The following MCTP1 variants were observed in gnomAD, a reference collection of about 807,000 sequenced individuals.
The protein encoded by MCTP1 is multiple C2 and transmembrane domain-containing protein 1.
MCTP1 carries 69 observed loss-of-function variants against 120.6 expected under a neutral mutation model. The observed-to-expected ratio is 0.57, with a 90% CI of 0.47 to 0.70. MCTP1 has a LOEUF of 0.70. Ranked by LOEUF, MCTP1 falls within the 30% of genes least tolerant of loss-of-function variation. MCTP1 has a pLI of 0.00. For missense variants in MCTP1, 1,203 were observed against 1,248.8 expected (o/e 0.96, Z 0.55); for synonymous variants, 529 against 493.1 (o/e 1.07, Z -0.96).
chr5:94,961,970 A>G (rs1330203776), intron 2 of MCTP1, among the ~76,000 whole-genome samples: 2 of 152,154 alleles, frequency 1.3e-5, no homozygotes, highest in African/African-American at 4.8e-5. Flanking sequence ...TAAATTGTGA[A>G]GATTTTCTCC....
At chr5:95,218,433 C>T (rs1040461557) in intron 1 of MCTP1, among the ~76,000 whole-genome samples, 10 of 152,114 alleles carry the variant, frequency 6.6e-5, no homozygotes, top group Admixed American at 3.3e-4. Flanking sequence ...AATGCTTCAA[C>T]TAGTAATCTG....
At chr5:94,781,528 A>T in intron 18 of MCTP1, among the ~76,000 whole-genome samples, 1 of 152,196 alleles carries the variant, frequency 6.6e-6, no homozygotes, top group East Asian at 1.9e-4. Flanking sequence ...TATAAAAGCA[A>T]ATATTCAAAA....
At chr5:95,128,097 T>C (rs1042934117) in intron 1 of MCTP1, among the ~76,000 whole-genome samples, 2 of 152,152 alleles carry the variant, frequency 1.3e-5, no homozygotes. Flanking sequence ...GGGGTTGGCT[T>C]GAGGAGCAAA....
chr5:94,896,800 T>C (rs1311263515), intron 10 of MCTP1, among the ~76,000 whole-genome samples: 1 of 152,194 alleles, frequency 6.6e-6, no homozygotes, highest in African/African-American at 2.4e-5. Context: ...TTAATTACAC[T>C]ACCTTGCTCT....
chr5:94,757,677 T>G (rs928576983), intron 19 of MCTP1, among the ~76,000 whole-genome samples: 21 of 152,218 alleles, frequency 1.4e-4, no homozygotes, highest in African/African-American at 4.6e-4. Flanking sequence ...CATTTCTCTT[T>G]AAATCCCTCA....
intron 18 of MCTP1, chr5:94,793,667 C>T (rs1010017659): frequency 1.3e-5 from 2 of 152,228 alleles, no homozygotes; most frequent in African/African-American, 4.8e-5. Context: ...ATATGACGTC[C>T]TCTCCTCTGT....
intron 17 of MCTP1, among the ~76,000 whole-genome samples, chr5:94,828,339 G>T (rs1334493519): frequency 6.6e-6 from 1 of 152,162 alleles, no homozygotes. Flanking sequence ...CATCCCAGAG[G>T]GGCACCTGCC....
At chr5:94,835,863 G>T (rs1789618753) in intron 17 of MCTP1, among the ~76,000 whole-genome samples, 2 of 152,110 alleles carry the variant, frequency 1.3e-5, no homozygotes, top group South Asian at 4.1e-4. Context: ...AATTAGCCGG[G>T]TGTGGTGGTG....
intron 19 of MCTP1, among the ~76,000 whole-genome samples, chr5:94,749,346 TGAAA>T (rs1186741780): frequency 6.6e-6 from 1 of 152,112 alleles, no homozygotes; most frequent in Non-Finnish European, 1.5e-5. Flanking sequence ...TTTTGAAGAA[TGAAA>T]GAAATATTTA....
At chr5:95,246,713 G>A (rs910697417) in intron 1 of MCTP1, among the ~76,000 whole-genome samples, 9 of 152,084 alleles carry the variant, frequency 5.9e-5, no homozygotes, top group African/African-American at 2.2e-4. Flanking sequence ...AATAATAATG[G>A]CAGACTTTAA....
In MCTP1 at chr5:94,755,472, C is replaced by T. The variant is rs6871463; in HGVS notation, c.2610+23638G>A. On this transcript the variant is annotated intron_variant, in intron 19 of 22. Coordinates refer to ENST00000515393, the MANE Select transcript of MCTP1 (RefSeq NM_024717.7). ...AAACCAGAGTTCACACCAGCTGCCT[C>T]TCATTTGCCTTCTGCGTTCTGCTCT... Among the ~76,000 whole-genome samples, 1,496 of 152,308 alleles carry T rather than the reference C, an allele frequency of 9.8e-3. 25 individuals are homozygous for T. The highest frequency in any genetic ancestry group is 0.034 in the African/African-American group (1,412 of 41,564).
chr5:95,209,815 A>G (rs1360766098), intron 1 of MCTP1, among the ~76,000 whole-genome samples: 1 of 152,190 alleles, frequency 6.6e-6, no homozygotes, highest in Non-Finnish European at 1.5e-5. Flanking sequence ...ATTTAGTGCT[A>G]TAAATTTCCC....
chr5:94,801,582 G>A (rs975398453), intron 17 of MCTP1, among the ~76,000 whole-genome samples: 1 of 152,160 alleles, frequency 6.6e-6, no homozygotes, highest in Non-Finnish European at 1.5e-5. Context: ...TTGACTTAGT[G>A]TGTTCTGGCG....
Position 95,229,740 on chromosome 5 carries a change from C to CA in MCTP1, c.720+54115dup, listed in dbSNP as rs535012504. Among the ~76,000 whole-genome samples the CA allele has an allele frequency of 6.9e-3, 830 of 120,902 alleles. 2 individuals carry two copies. Among genetic ancestry groups the CA allele is most frequent in the African/African-American group, 0.018 (571 of 32,598 alleles). 79.3% of individuals were successfully genotyped at this position (120,902 alleles called of 152,430 possible). On this transcript the variant is annotated intron_variant, in intron 1 of 22. Coordinates refer to ENST00000515393, the MANE Select transcript of MCTP1 (RefSeq NM_024717.7). ...TGGGTGACAGAATGAGACTCCATCTCAAAAAAAAAAAAAAGATTGGTTACA... is the reference window on the plus strand; with the variant it reads ...TGGGTGACAGAATGAGACTCCATCTCAAAAAAAAAAAAAAAGATTGGTTACA...
rs1415270644 is a variant in MCTP1, at chr5:94,858,410, C to A, written c.2436+9923G>T. Among the ~76,000 whole-genome samples the A allele has an allele frequency of 1.3e-5, 2 of 151,580 alleles. 1 individual carries two copies. The highest frequency in any genetic ancestry group is 4.1e-4 in the South Asian group (2 of 4,826). On this transcript the variant is annotated intron_variant, in intron 17 of 22. Transcript: ENST00000515393. The stretch of plus-strand genomic sequence containing the variant: ...AGGTACACATTTATTACTTAAACTG[C>A]AGGAATAACACTAAGCAGGGTGCAT...
chr5:95,191,579 A>G (rs1023390373), intron 1 of MCTP1, among the ~76,000 whole-genome samples: 6 of 152,040 alleles, frequency 3.9e-5, no homozygotes, highest in African/African-American at 1.4e-4. Flanking sequence ...TCTCAGTTAT[A>G]AGTCCCAGTG....
chr5:95,152,757 A>G (rs746152897), intron 1 of MCTP1, among the ~76,000 whole-genome samples: 1 of 152,186 alleles, frequency 6.6e-6, no homozygotes, highest in Non-Finnish European at 1.5e-5. Context: ...AACTAATCAG[A>G]TACAGGAACA....
At chr5:94,781,796 A>G (rs2152948614) in intron 18 of MCTP1, among the ~76,000 whole-genome samples, 1 of 152,272 alleles carries the variant, frequency 6.6e-6, no homozygotes, top group Non-Finnish European at 1.5e-5. Flanking sequence ...GTAATTGGCT[A>G]CGCACAATTG....
At chr5:95,255,054 T>C (rs1757740585) in intron 1 of MCTP1, among the ~76,000 whole-genome samples, 1 of 152,210 alleles carries the variant, frequency 6.6e-6, no homozygotes, top group African/African-American at 2.4e-5. Flanking sequence ...TATATGTGTG[T>C]ACAGAATCTG....
Sources: allele counts gnomAD v4.1 joint callset (sites outside exome capture counted in the v4.1 genomes callset), GRCh38; gene constraint gnomAD v4.1.1; transcripts MANE v1.5; gene names NCBI Gene and HGNC (gene_info 2026-07-23, HGNC 2026-07-21).